The following MYO3B variants were observed in gnomAD, a reference collection of about 807,000 sequenced individuals.
The protein encoded by MYO3B is myosin IIIB, also known as myosin-IIIb.
Under a neutral mutation model 174.6 loss-of-function variants are expected in MYO3B, and 156 were observed. That is an observed-to-expected ratio of 0.89 (90% CI 0.78 to 1.02). MYO3B has a LOEUF of 1.02. MYO3B is among the 50% of genes least tolerant of loss of function. The pLI is 0.00. For missense variants in MYO3B, 1,632 were observed against 1,639.4 expected, an observed-to-expected ratio of 1.00 and a Z score of 0.08; for synonymous variants, 563 against 569.1, an observed-to-expected ratio of 0.99 and a Z score of 0.15.
In MYO3B at chr2:170,234,360, C is replaced by T. The variant is rs79114186; in HGVS notation, c.604-1631C>T. The stretch of plus-strand genomic sequence containing the variant: ...CTGGCATCTGGTGTGGGCCTTCATA[C>T]TATGTCCTCACATGGCAGAAGGCAG... On this transcript the variant is annotated intron_variant, in intron 6 of 34. Transcript: ENST00000408978. Among the ~76,000 whole-genome samples, 906 of 152,264 alleles carry T rather than the reference C, an allele frequency of 6.0e-3. 25 individuals are homozygous for T. The East Asian group carries it at 0.092, about 16-fold the overall frequency.
At position 170,466,644 on chromosome 2, in the gene MYO3B, C is replaced by T; in HGVS notation, c.2947C>T (p.Leu983=). The T allele has an allele frequency of 6.2e-7, 1 of 1,614,222 alleles. No individual in the cohort carries two copies. The highest frequency in any genetic ancestry group is 8.5e-7 in the Non-Finnish European group (1 of 1,180,038). ...VLAQLRSTGI[L]ETVSIRRQGY... is the part of the protein sequence containing the mutation. Reference sequence around the variant, plus strand: ...GGCCCAGCTCCGCTCCACAGGGATTCTGGAGACAGTCAGCATCCGCCGCCA... The same window carrying T: ...GGCCCAGCTCCGCTCCACAGGGATTTTGGAGACAGTCAGCATCCGCCGCCA... Residue 983 remains leucine (L), a synonymous_variant, in exon 25 of 35, where the codon CTG becomes TTG. Transcript: ENST00000408978.
At chr2:170,384,093 A>T (rs1027383637) in intron 12 of MYO3B, among the ~76,000 whole-genome samples, 1 of 152,216 alleles carries the variant, frequency 6.6e-6, no homozygotes, top group Non-Finnish European at 1.5e-5. Context: ...TATGAATATG[A>T]TGAGAACAGT....
intron 7 of MYO3B, among the ~76,000 whole-genome samples, chr2:170,307,045 T>G (rs760171154): frequency 6.6e-5 from 10 of 152,018 alleles, no homozygotes; most frequent in Non-Finnish European, 1.2e-4. Flanking sequence ...TTTTCCAGCC[T>G]GGGCAACATA....
At chr2:170,589,189 A>C (rs564234699) in intron 32 of MYO3B, among the ~76,000 whole-genome samples, 2 of 152,364 alleles carry the variant, frequency 1.3e-5, no homozygotes, top group African/African-American at 4.8e-5. Flanking sequence ...CTCCTTAAAA[A>C]GTTTGATATC....
chr2:170,308,441 A>G (rs1210078851), intron 7 of MYO3B, among the ~76,000 whole-genome samples: 1 of 152,158 alleles, frequency 6.6e-6, no homozygotes, highest in Non-Finnish European at 1.5e-5. Context: ...ATTGATCACA[A>G]TATCCCTGCC....
intron 7 of MYO3B, among the ~76,000 whole-genome samples, chr2:170,283,984 G>A (rs1044741665): frequency 2.0e-5 from 3 of 152,216 alleles, no homozygotes; most frequent in African/African-American, 7.2e-5. Context: ...TTGTCCCATA[G>A]CTGAGCAGCT....
intron 7 of MYO3B, among the ~76,000 whole-genome samples, chr2:170,237,333 C>T (rs2093081996): frequency 6.6e-6 from 1 of 152,102 alleles, no homozygotes. Flanking sequence ...GTTTACCCCT[C>T]ACCATTTATT....
intron 29 of MYO3B, among the ~76,000 whole-genome samples, chr2:170,515,573 C>T (rs1688254365): frequency 6.6e-6 from 1 of 152,088 alleles, no homozygotes; most frequent in Non-Finnish European, 1.5e-5. Context: ...GACAATTGGA[C>T]TAAATCATGG....
At chr2:170,535,954 A>G (rs752650351) in intron 30 of MYO3B, among the ~76,000 whole-genome samples, 188 of 152,314 alleles carry the variant, frequency 1.2e-3, no homozygotes, top group Middle Eastern at 3.4e-3. Flanking sequence ...TTGCTGACAA[A>G]TAACTGAAAT....
At chr2:170,628,675 T>C (rs990216489) in intron 32 of MYO3B, among the ~76,000 whole-genome samples, 1 of 150,052 alleles carries the variant, frequency 6.7e-6, no homozygotes, top group African/African-American at 2.4e-5. Context: ...ATCTTGGAAC[T>C]GTCCTCTTAT....
chr2:170,267,136 A>G (rs2093389877), intron 7 of MYO3B, among the ~76,000 whole-genome samples: 3 of 148,058 alleles, frequency 2.0e-5, no homozygotes, highest in Middle Eastern at 3.4e-3. Context: ...GAAAACTCAA[A>G]CAGCAGCTGG....
intron 25 of MYO3B, among the ~76,000 whole-genome samples, chr2:170,484,715 G>A (rs1429779914): frequency 2.0e-5 from 3 of 152,170 alleles, no homozygotes; most frequent in African/African-American, 7.2e-5. Flanking sequence ...GGAGTCTAAG[G>A]ATATAATGAA....
intron 32 of MYO3B, among the ~76,000 whole-genome samples, chr2:170,627,874 G>A (rs775842520): frequency 8.8e-5 from 13 of 147,302 alleles, no homozygotes; most frequent in African/African-American, 2.8e-4. Flanking sequence ...GAATATTGCT[G>A]AACAGCAAAT....
intron 5 of MYO3B, among the ~76,000 whole-genome samples, chr2:170,217,038 G>GGAA (rs1553563799): frequency 4.0e-5 from 6 of 149,120 alleles, no homozygotes; most frequent in Admixed American, 6.6e-5. Flanking sequence ...TAAATGATTG[G>GGAA]AAAAAAAAAA....
At chr2:170,498,940 C>A (rs957191148) in intron 26 of MYO3B, among the ~76,000 whole-genome samples, 8 of 152,174 alleles carry the variant, frequency 5.3e-5, no homozygotes, top group Non-Finnish European at 1.0e-4. Context: ...AGAATGAGAT[C>A]TTTGAGCTCA....
intron 14 of MYO3B, among the ~76,000 whole-genome samples, 193 bp downstream of exon 14, chr2:170,387,501 T>C (rs1458437583): frequency 6.6e-6 from 1 of 152,170 alleles, no homozygotes; most frequent in African/African-American, 2.4e-5. Context: ...TACAAAGGGC[T>C]GGGGTGGGCG....
chr2:170,388,246 G>A (rs780987539), intron 14 of MYO3B, among the ~76,000 whole-genome samples: 17 of 151,994 alleles, frequency 1.1e-4, no homozygotes, highest in Non-Finnish European at 2.2e-4. Flanking sequence ...TAGAGTATGC[G>A]GTATATGAGG....
intron 16 of MYO3B, among the ~76,000 whole-genome samples, chr2:170,397,105 C>T (rs1372198543): frequency 1.3e-5 from 2 of 152,128 alleles, no homozygotes; most frequent in Non-Finnish European, 2.9e-5. Flanking sequence ...TCTCCTTAGC[C>T]ACTCTTAAGT....
intron 29 of MYO3B, among the ~76,000 whole-genome samples, chr2:170,518,016 ATAATAAAAAT>A (rs1688432589): frequency 6.7e-6 from 1 of 148,506 alleles, no homozygotes; most frequent in African/African-American, 2.5e-5. Flanking sequence ...TGTGTGTGTA[ATAATAAAAAT>A]TGTATTAATG....
Sources: allele counts gnomAD v4.1 joint callset (sites outside exome capture counted in the v4.1 genomes callset), GRCh38; gene constraint gnomAD v4.1.1; transcripts MANE v1.5; gene names NCBI Gene and HGNC (gene_info 2026-07-23, HGNC 2026-07-21).